UBQLN1: variants seen among roughly 807,000 people sequenced by gnomAD.
UBQLN1 encodes ubiquilin-1.
UBQLN1 carries 13 observed loss-of-function variants against 65.4 expected under a neutral mutation model. The observed-to-expected ratio is 0.20, with a 90% CI of 0.13 to 0.32. The LOEUF is 0.32. Ranked by LOEUF, UBQLN1 falls within the 10% of genes least tolerant of loss-of-function variation. The pLI, the probability that UBQLN1 is intolerant of heterozygous loss-of-function variation, is 1.00. For missense variants in UBQLN1, 561 were observed against 724.0 expected, an observed-to-expected ratio of 0.77 and a Z score of 2.58; for synonymous variants, 267 against 247.8, an observed-to-expected ratio of 1.08 and a Z score of -0.73.
intron 6 of UBQLN1, among the ~76,000 whole-genome samples, chr9:83,674,198 AT>A (rs891893994): frequency 6.6e-6 from 1 of 151,932 alleles, no homozygotes; most frequent in African/African-American, 2.4e-5. Context: ...AAAAAAAAAA[AT>A]AACCAGTATA....
chr9:83,680,221 T>C (rs1373980772), intron 3 of UBQLN1, among the ~76,000 whole-genome samples, 184 bp from the exon 4 acceptor site: 1 of 152,160 alleles, frequency 6.6e-6, no homozygotes, highest in East Asian at 1.9e-4. Context: ...TAGCCAAAAA[T>C]TTACACTTTG....
chr9:83,698,908 G>A (rs555329485), intron 1 of UBQLN1, among the ~76,000 whole-genome samples: 1 of 136,128 alleles, frequency 7.3e-6, no homozygotes, highest in African/African-American at 3.0e-5. Flanking sequence ...AGTGAGACCT[G>A]TCTCAAAAAA....
intron 1 of UBQLN1, among the ~76,000 whole-genome samples, chr9:83,692,578 C>T (rs1208887858): frequency 1.3e-5 from 2 of 152,178 alleles, no homozygotes; most frequent in East Asian, 1.9e-4. Flanking sequence ...TTCGGCCAGG[C>T]GCAGTGGCTC....
intron 1 of UBQLN1, 56 bp downstream of exon 1, chr9:83,707,444 G>A: frequency 2.6e-6 from 4 of 1,526,680 alleles, no homozygotes; most frequent in Non-Finnish European, 3.5e-6. Context: ...TCCTGGGGCG[G>A]CGGGCGGAGG....
chr9:83,670,768 C>A (rs1357647255), intron 6 of UBQLN1, among the ~76,000 whole-genome samples: 1 of 152,170 alleles, frequency 6.6e-6, no homozygotes, highest in African/African-American at 2.4e-5. Flanking sequence ...TCAAACCCTG[C>A]CACTGCTTTA....
Position 83,696,248 on chromosome 9 carries a change from G to C in UBQLN1, c.181-10093C>G, listed in dbSNP as rs542217918. Among the ~76,000 whole-genome samples the C allele has an allele frequency of 2.4e-4, 37 of 152,262 alleles. No individual in the cohort carries two copies. In the South Asian group the frequency reaches 7.5e-3, roughly 31 times the overall value. ...TGTCTTGATATATGTAAACAATGTG[G>C]AGTGACTAAATCAAGCTAATATATC... On this transcript the variant is annotated intron_variant, in intron 1 of 10. Coordinates refer to ENST00000376395, the MANE Select transcript of UBQLN1 (RefSeq NM_013438.5).
Position 83,707,883 on chromosome 9 carries a change from C to T in UBQLN1, c.-204G>A, listed in dbSNP as rs1832447094. ...GGCTCTGGCGCAGGCCCGGGTCAGG[C>T]GCTCGGCAGCCGCCGTGTGTTCAGG... On this transcript the variant is annotated 5_prime_UTR_variant, in exon 1 of 11. Coordinates refer to ENST00000376395, the MANE Select transcript of UBQLN1 (RefSeq NM_013438.5). 1 of 663,096 alleles carries T rather than the reference C, an allele frequency of 1.5e-6. No individual in the cohort carries two copies. Among genetic ancestry groups the T allele is most frequent in the Non-Finnish European group, 2.3e-6 (1 of 429,960 alleles). 41.1% of individuals were successfully genotyped at this position (663,096 alleles called of 1,614,324 possible). A position where few individuals can be genotyped will look rare whatever the true frequency, so the allele number is the denominator to read the frequency against.
chr9:83,682,923 C>A, intron 3 of UBQLN1, 28 bp downstream of exon 3: 1 of 1,342,676 alleles, frequency 7.4e-7, no homozygotes, highest in South Asian at 1.4e-5. Flanking sequence ...TTTTTCCCAT[C>A]CCTACTGGAA....
chr9:83,704,824 CAAAAAAAAA>C (rs780432842), intron 1 of UBQLN1, among the ~76,000 whole-genome samples: 2 of 69,544 alleles, frequency 2.9e-5, no homozygotes, highest in Non-Finnish European at 5.5e-5. Flanking sequence ...GACTCCATCT[CAAAAAAAAA>C]AAAAAAAAAA....
chr9:83,678,184 G>C (rs1042850327), intron 5 of UBQLN1, among the ~76,000 whole-genome samples: 3 of 151,812 alleles, frequency 2.0e-5, no homozygotes, highest in African/African-American at 7.3e-5. Context: ...ACCACGCCCA[G>C]CTAATTTTTT....
intron 1 of UBQLN1, among the ~76,000 whole-genome samples, chr9:83,693,112 TG>T (rs1425409721): frequency 6.6e-6 from 1 of 152,184 alleles, no homozygotes; most frequent in Non-Finnish European, 1.5e-5. Context: ...GCCAGAGAAC[TG>T]AAAGCTGAGA....
Position 83,669,845 on chromosome 9 carries a change from A to C in UBQLN1, c.1106-518T>G, listed in dbSNP as rs183247637. Among the ~76,000 whole-genome samples the C allele has an allele frequency of 6.8e-4, 103 of 152,276 alleles. 2 individuals carry two copies. In the Middle Eastern group the frequency reaches 0.031, roughly 45 times the overall value. On this transcript the variant is annotated intron_variant, in intron 6 of 10. Transcript: ENST00000376395. ...AATGGTAGGCACATTTAACATTTGA[A>C]ACCATAGAGCACAGTGACTCCAAGC...
chr9:83,677,704 A>T (rs371058649), intron 6 of UBQLN1, 23 bp downstream of exon 6: 4 of 1,562,104 alleles, frequency 2.6e-6, no homozygotes, highest in African/African-American at 2.7e-5. Context: ...CAAAGAAAAA[A>T]GCCTGAGTTG....
chr9:83,662,324 G>A (rs1409784842), intron 10 of UBQLN1, among the ~76,000 whole-genome samples: 3 of 149,254 alleles, frequency 2.0e-5, no homozygotes, highest in Admixed American at 1.3e-4. Context: ...AGATAGTTCA[G>A]AATTAGATGA....
intron 1 of UBQLN1, 38 bp downstream of exon 1, chr9:83,707,462 G>T (rs777873273): frequency 3.8e-6 from 6 of 1,575,004 alleles, no homozygotes; most frequent in Non-Finnish European, 4.3e-6. Flanking sequence ...AGGTCCTGCC[G>T]CCACCCCCAT....
At chr9:83,663,769 C>T (rs965086914) in intron 10 of UBQLN1, 106 bp downstream of exon 10, 4 of 1,237,098 alleles carry the variant, frequency 3.2e-6, no homozygotes, top group African/African-American at 3.0e-5. Flanking sequence ...AATCTAAACA[C>T]CTAAGAACTA....
chr9:83,702,424 T>C (rs924983089), intron 1 of UBQLN1, among the ~76,000 whole-genome samples: 1 of 151,966 alleles, frequency 6.6e-6, no homozygotes, highest in African/African-American at 2.4e-5. Context: ...CTCACAGACA[T>C]TTTTTTTCTC....
chr9:83,683,817 T>C (rs1290226577), intron 2 of UBQLN1, among the ~76,000 whole-genome samples: 1 of 151,604 alleles, frequency 6.6e-6, no homozygotes, highest in Non-Finnish European at 1.5e-5. Flanking sequence ...AGGTCAGGAG[T>C]TCAAGACCAG....
intron 1 of UBQLN1, among the ~76,000 whole-genome samples, chr9:83,687,147 G>A (rs549344515): frequency 1.3e-5 from 2 of 152,188 alleles, no homozygotes; most frequent in African/African-American, 4.8e-5. Context: ...GTAAAACCAT[G>A]AAGTCCAAAG....
Sources: gnomAD v4.1 joint callset for allele counts (sites outside exome capture counted in the v4.1 genomes callset) on GRCh38, gnomAD v4.1.1 for gene constraint, MANE v1.5 for transcripts, NCBI Gene and HGNC (gene_info 2026-07-23, HGNC 2026-07-21) for gene names.